AGPS: variants seen among roughly 807,000 people sequenced by gnomAD.
The protein encoded by AGPS is alkylglycerone phosphate synthase, also known as alkyldihydroxyacetonephosphate synthase, peroxisomal.
AGPS carries 26 observed loss-of-function variants against 90.7 expected under a neutral mutation model. The observed-to-expected ratio is 0.29, with a 90% confidence interval of 0.21 to 0.40. The LOEUF (loss-of-function observed/expected upper bound fraction) is 0.40, where lower values mean the gene tolerates loss of function less well. AGPS is among the 10% of genes least tolerant of loss of function. The pLI, the probability that AGPS is intolerant of heterozygous loss-of-function variation, is 1.00. For synonymous variants in AGPS, 294 were observed against 285.3 expected (o/e 1.03, Z -0.31); for missense variants, 540 against 816.1 (o/e 0.66, Z 4.12).
intron 10 of AGPS, among the ~76,000 whole-genome samples, chr2:177,479,325 C>A (rs1410422923): frequency 6.6e-6 from 1 of 152,154 alleles, no homozygotes; most frequent in African/African-American, 2.4e-5. Context: ...CTCCCAGCTG[C>A]ACTCACCTGG....
At chr2:177,403,636 A>G (rs1685389188) in intron 1 of AGPS, among the ~76,000 whole-genome samples, 1 of 152,246 alleles carries the variant, frequency 6.6e-6, no homozygotes, top group African/African-American at 2.4e-5. Context: ...ATAATAATCA[A>G]AATGAAGACT....
intron 10 of AGPS, among the ~76,000 whole-genome samples, chr2:177,474,135 G>A (rs1046172462): frequency 4.6e-5 from 7 of 152,082 alleles, no homozygotes; most frequent in Non-Finnish European, 8.8e-5. Flanking sequence ...ATAAAATTTG[G>A]ATATGTAGAA....
intron 1 of AGPS, among the ~76,000 whole-genome samples, chr2:177,402,238 A>T (rs970283470): frequency 6.6e-6 from 1 of 152,262 alleles, no homozygotes; most frequent in Non-Finnish European, 1.5e-5. Flanking sequence ...GAGTTTAGTC[A>T]TATGGATATC....
At chr2:177,396,179 A>G (rs1475136378) in intron 1 of AGPS, among the ~76,000 whole-genome samples, 1 of 152,236 alleles carries the variant, frequency 6.6e-6, no homozygotes, top group African/African-American at 2.4e-5. Flanking sequence ...AGGGAACAGC[A>G]TATGACAAAG....
chr2:177,482,303 G>A, intron 11 of AGPS, 117 bp downstream of exon 11: 1 of 576,370 alleles, frequency 1.7e-6, no homozygotes, highest in Non-Finnish European at 2.7e-6. Context: ...ATTTTTAGTT[G>A]TATTATATTT....
intron 2 of AGPS, among the ~76,000 whole-genome samples, chr2:177,431,658 C>T (rs756360882): frequency 1.4e-4 from 22 of 152,236 alleles, no homozygotes; most frequent in South Asian, 4.1e-4. Context: ...AATAATTCAG[C>T]GATATCTCTC....
intron 5 of AGPS, among the ~76,000 whole-genome samples, chr2:177,439,262 A>T (rs1289868174): frequency 6.6e-6 from 1 of 152,216 alleles, no homozygotes; most frequent in African/African-American, 2.4e-5. Flanking sequence ...CCGAGGGGAA[A>T]CAGATAATCC....
At position 177,531,129 on chromosome 2, in the gene AGPS, C is replaced by T. The variant is rs578231353; in HGVS notation, c.1856-6945C>T. Among the ~76,000 whole-genome samples the T allele has an allele frequency of 2.0e-5, 3 of 152,056 alleles. No individual in the cohort carries two copies. In the South Asian group the frequency reaches 6.2e-4, roughly 32 times the overall value. On this transcript the variant is annotated intron_variant, in intron 19 of 19. Transcript: ENST00000264167. ...TAGAAACTTTAAAAGTAAAAGGAAA[C>T]TACTCAAAGAAGCTGAACAAAAAAA...
chr2:177,534,809 G>T (rs1486869844), intron 19 of AGPS, among the ~76,000 whole-genome samples: 1 of 89,292 alleles, frequency 1.1e-5, no homozygotes, highest in East Asian at 4.3e-4. Flanking sequence ...ATGTTACCCA[G>T]GCTGGTCTTG....
At position 177,542,460 on chromosome 2, in the gene AGPS, G is replaced by C. The variant is rs1203913451; in HGVS notation, c.*4265G>C. On this transcript the variant is annotated 3_prime_UTR_variant, in exon 20 of 20. Coordinates refer to ENST00000264167, the MANE Select transcript of AGPS (RefSeq NM_003659.4). The stretch of plus-strand genomic sequence containing the variant: ...TGACATATAGAACCCTCAAGCCAAA[G>C]AACCATCACAGAATTTAGTAACTTT... The C allele has an allele frequency of 1.2e-4, 18 of 152,068 alleles. No individual in the cohort carries two copies. The highest frequency in any genetic ancestry group is 4.4e-5 in the Non-Finnish European group (3 of 68,002). The allele number at this position is 152,068 out of a possible 1,614,324, so 9.4% of individuals were successfully genotyped here.
intron 1 of AGPS, among the ~76,000 whole-genome samples, chr2:177,394,329 A>G (rs749678277): frequency 4.2e-4 from 64 of 152,358 alleles, no homozygotes; most frequent in Admixed American, 1.8e-3. Context: ...TAGTGCAAAG[A>G]TGTTCCAAAG....
In AGPS at chr2:177,474,804, C is replaced by T. The variant is rs139590376; in HGVS notation, c.1105+6280C>T. On this transcript the variant is annotated intron_variant, in intron 10 of 19. Coordinates refer to ENST00000264167, the MANE Select transcript of AGPS (RefSeq NM_003659.4). ...ATATACCCTGATGTATTTAACCAAA[C>T]CCCTGTTGGTTGGCATTTAAGTGGT... is the stretch of plus-strand genomic sequence containing the variant. Among the ~76,000 whole-genome samples the T allele has an allele frequency of 4.0e-3, 612 of 152,298 alleles. 5 individuals are homozygous for T. Among genetic ancestry groups the T allele is most frequent in the East Asian group, 0.032 (167 of 5,188 alleles).
rs1466195488 is a variant in AGPS at position 177,416,456 on chromosome 2, T to G, written c.261-3813T>G. On this transcript the variant is annotated intron_variant, in intron 1 of 19. Coordinates refer to ENST00000264167, the MANE Select transcript of AGPS (RefSeq NM_003659.4). ...TACTGTGGTTAGATGTGTAAATGTG[T>G]AAAACATTTATTTTTTTATGCAGTA... Among the ~76,000 whole-genome samples, 3 of 152,192 alleles carry G rather than the reference T, an allele frequency of 2.0e-5. No individual in the cohort carries two copies. In the East Asian group the frequency reaches 5.8e-4, roughly 29 times the overall value.
At chr2:177,436,296 C>T (rs112951064) in intron 3 of AGPS, among the ~76,000 whole-genome samples, 23 of 151,590 alleles carry the variant, frequency 1.5e-4, no homozygotes, top group African/African-American at 2.7e-4. Context: ...GGACTACAGG[C>T]GCCCGCCACC....
At chr2:177,399,482 G>A (rs745710313) in intron 1 of AGPS, among the ~76,000 whole-genome samples, 17 of 152,210 alleles carry the variant, frequency 1.1e-4, no homozygotes, top group Non-Finnish European at 2.4e-4. Flanking sequence ...GATACAGACA[G>A]AGAGGTAAAA....
At chr2:177,413,769 C>T (rs1297660014) in intron 1 of AGPS, among the ~76,000 whole-genome samples, 2 of 152,214 alleles carry the variant, frequency 1.3e-5, no homozygotes, top group East Asian at 3.8e-4. Flanking sequence ...TCCAGAATGG[C>T]AGGTACCAAG....
intron 10 of AGPS, among the ~76,000 whole-genome samples, chr2:177,473,678 A>C (rs997836507): frequency 2.0e-5 from 3 of 152,250 alleles, no homozygotes; most frequent in Admixed American, 6.5e-5. Flanking sequence ...TTAAAACTCT[A>C]CATAAATGGG....
chr2:177,460,166 G>A (rs147587679), intron 8 of AGPS, among the ~76,000 whole-genome samples: 117 of 152,270 alleles, frequency 7.7e-4, no homozygotes, highest in Middle Eastern at 3.4e-3. Flanking sequence ...GGCCTGGGGC[G>A]CGGTGGGAGG....
intron 19 of AGPS, among the ~76,000 whole-genome samples, chr2:177,524,812 C>A (rs2079067318): frequency 6.6e-6 from 1 of 152,068 alleles, no homozygotes; most frequent in African/African-American, 2.4e-5. Context: ...AGTCAGCCCT[C>A]CATACATTGA....
Sources: allele counts gnomAD v4.1 joint callset (sites outside exome capture counted in the v4.1 genomes callset), GRCh38; gene constraint gnomAD v4.1.1; transcripts MANE v1.5; gene names NCBI Gene and HGNC (gene_info 2026-07-23, HGNC 2026-07-21).